OSBPL5: variants seen among roughly 807,000 people sequenced by gnomAD.
OSBPL5 encodes the protein oxysterol-binding protein-related protein 5.
A neutral mutation model predicts 111.2 loss-of-function variants in OSBPL5; 71 were observed. The ratio of observed to expected loss-of-function variants is 0.64; its 90% CI spans 0.53 to 0.78. The LOEUF is 0.78. Ranked by LOEUF, OSBPL5 falls within the 30% of genes least tolerant of loss-of-function variation. OSBPL5 has a pLI of 0.00. For synonymous variants in OSBPL5, 549 were observed against 513.9 expected (o/e 1.07, Z -0.93); for missense variants, 1,210 against 1,189.3 (o/e 1.02, Z -0.26).
chr11:3,122,317 A>G (rs1344332282), intron 4 of OSBPL5, 31 bp downstream of exon 4: 2 of 1,602,214 alleles, frequency 1.2e-6, no homozygotes, highest in Admixed American at 1.7e-5. Flanking sequence ...TGACAGTGAC[A>G]CTGCTGCACC....
chr11:3,149,439 C>A (rs932051097), intron 1 of OSBPL5, among the ~76,000 whole-genome samples: 1 of 152,240 alleles, frequency 6.6e-6, no homozygotes, highest in Non-Finnish European at 1.5e-5. Flanking sequence ...GTGGCTGACC[C>A]TCTTGCCAGC....
Position 3,094,301 on chromosome 11 carries a change from C to T in OSBPL5, c.1655G>A (p.Gly552Asp), listed in dbSNP as rs772479316. The T allele has an allele frequency of 1.2e-6, 2 of 1,613,590 alleles. No individual in the cohort carries two copies. The highest frequency in any genetic ancestry group is 1.7e-6 in the Non-Finnish European group (2 of 1,179,952). The change falls in exon 15 of 22, where the codon GGT (glycine) becomes GAT (aspartate). Residue 552 changes from glycine (G) to aspartate (D), a missense_variant. Coordinates refer to ENST00000263650, the MANE Select transcript of OSBPL5 (RefSeq NM_020896.4). The part of the protein sequence containing the change: ...ILYGTMTLEL[G>D]GKVTIECAKN... ...CGCACACTCGATGGTGACCTTCCCACCCAGCTCCAGGGTCATCGTGCCATA... is the reference window on the plus strand; with the variant it reads ...CGCACACTCGATGGTGACCTTCCCATCCAGCTCCAGGGTCATCGTGCCATA...
In OSBPL5 at chr11:3,092,595, T is replaced by C; in HGVS notation, c.2133-37A>G. The C allele has an allele frequency of 1.3e-6, 2 of 1,541,756 alleles. No individual in the cohort carries two copies. The highest frequency in any genetic ancestry group is 1.4e-5 in the African/African-American group (1 of 73,652). ...AGAGGGCGTTCATCAGCACAGGCAG[T>C]GGCCCTCAGGTGAGGGGGCTGTCCT... On this transcript the variant is annotated intron_variant, in intron 18 of 21. Coordinates refer to ENST00000263650, the MANE Select transcript of OSBPL5 (RefSeq NM_020896.4). This position sits in a 1 kb window ranked among gnomAD's most constrained non-coding sequence, Gnocchi z 5.4.
intron 1 of OSBPL5, among the ~76,000 whole-genome samples, chr11:3,139,556 A>G (rs574157087): frequency 3.3e-5 from 5 of 152,298 alleles, no homozygotes; most frequent in African/African-American, 7.2e-5. Context: ...TCACCAGCCC[A>G]GGCACCCAGC....
intron 7 of OSBPL5, among the ~76,000 whole-genome samples, chr11:3,114,629 C>T (rs868018914): frequency 6.1e-5 from 7 of 114,800 alleles, no homozygotes; most frequent in Non-Finnish European, 8.1e-5. Flanking sequence ...GACAGAGTCT[C>T]GCTCTGTTGC....
In OSBPL5 at chr11:3,142,221, C is replaced by A. The variant is rs1846145729; in HGVS notation, c.-21-13052G>T. ...GGCGTGAGCCACCGTGCCCGGCCGA[C>A]AGCTGGTTTCTGAGGCCAAGAGAAG... On this transcript the variant is annotated intron_variant, in intron 1 of 21. Transcript: ENST00000263650. The surrounding 1 kb of genome is among the most constrained non-coding windows in gnomAD (Gnocchi z 7.1). Among the ~76,000 whole-genome samples, 1 of 152,234 alleles carries A rather than the reference C, an allele frequency of 6.6e-6. No homozygotes were observed. Among genetic ancestry groups the A allele is most frequent in the Admixed American group, 6.5e-5 (1 of 15,276 alleles).
At chr11:3,118,697 G>A (rs112151775) in intron 7 of OSBPL5, among the ~76,000 whole-genome samples, 2,638 of 149,744 alleles carry the variant, frequency 0.018, 79 homozygotes, top group African/African-American at 0.058. Flanking sequence ...TCAGCCTCCT[G>A]AGTAGTTGGG....
intron 1 of OSBPL5, among the ~76,000 whole-genome samples, chr11:3,134,476 G>A (rs1388965159): frequency 6.6e-6 from 1 of 152,192 alleles, no homozygotes; most frequent in Non-Finnish European, 1.5e-5. Context: ...CCACTCCCCA[G>A]CCTGTGAAGG....
At position 3,110,381 on chromosome 11, in the gene OSBPL5, A is replaced by T. The variant is rs1477510638; in HGVS notation, c.692-2436T>A. On this transcript the variant is annotated intron_variant, in intron 7 of 21. Transcript: ENST00000263650. This position sits in a 1 kb window ranked among gnomAD's most constrained non-coding sequence, Gnocchi z 5.3. The stretch of plus-strand genomic sequence containing the variant: ...AAGAGGGAATCCCTCCAGGTGGAGG[A>T]TCATCGCAGTCACAGCTGCCTGAGC... 1.3e-5 allele frequency among the ~76,000 whole-genome samples: 2 copies of T among 152,214 alleles called. No individual in the cohort carries two copies. The highest frequency in any genetic ancestry group is 2.4e-5 in the African/African-American group (1 of 41,454).
In OSBPL5 at chr11:3,126,807, G is replaced by A. The variant is rs734458; in HGVS notation, c.137-252C>T. Among the ~76,000 whole-genome samples the A allele has an allele frequency of 0.099, 15,123 of 152,250 alleles. 800 individuals carry two copies. The highest frequency in any genetic ancestry group is 0.14 in the South Asian group (660 of 4,826). Reference sequence around the variant, plus strand: ...GACCTACAGGGAGGAAGCTGGGACAGGAGCTGGTAGGAACCGGCATCCTGG... The same window carrying A: ...GACCTACAGGGAGGAAGCTGGGACAAGAGCTGGTAGGAACCGGCATCCTGG... On this transcript the variant is annotated intron_variant, in intron 2 of 21. Transcript: ENST00000263650. This position sits in a 1 kb window ranked among gnomAD's most constrained non-coding sequence, Gnocchi z 6.5.
chr11:3,125,305 G>T (rs2134466280), intron 3 of OSBPL5, among the ~76,000 whole-genome samples: 1 of 152,322 alleles, frequency 6.6e-6, no homozygotes, highest in Middle Eastern at 3.4e-3. Flanking sequence ...TAAGGACCTA[G>T]TATCCAAAAT....
rs1408029878 is a variant in OSBPL5 at position 3,107,661 on chromosome 11, G to A, written c.866+110C>T. On this transcript the variant is annotated intron_variant, in intron 8 of 21. Transcript: ENST00000263650. This position sits in a 1 kb window ranked among gnomAD's most constrained non-coding sequence, Gnocchi z 6.1. ...CACTGCAGCGAACAAGTCCCTGCGTGCAGCCTGCAGCCCACCAGAGCAGTG... is the reference window on the plus strand; with the variant it reads ...CACTGCAGCGAACAAGTCCCTGCGTACAGCCTGCAGCCCACCAGAGCAGTG... 5.5e-6 allele frequency: 8 copies of A among 1,460,488 alleles called. No individual in the cohort carries two copies. The African/African-American group carries it at 7.0e-5, about 13-fold the overall frequency. 90.5% of individuals were successfully genotyped at this position (1,460,488 alleles called of 1,614,324 possible). A position where few individuals can be genotyped will look rare whatever the true frequency, so the allele number is the denominator to read the frequency against.
intron 1 of OSBPL5, among the ~76,000 whole-genome samples, chr11:3,135,628 G>A (rs934722792): frequency 6.6e-6 from 1 of 152,200 alleles, no homozygotes; most frequent in African/African-American, 2.4e-5. Flanking sequence ...GGACATGTGG[G>A]GCTCTCGGGG....
chr11:3,111,381 A>C (rs536012997), intron 7 of OSBPL5, among the ~76,000 whole-genome samples: 36 of 151,600 alleles, frequency 2.4e-4, no homozygotes, highest in African/African-American at 8.2e-4. Flanking sequence ...AGGATGGTGG[A>C]GATCTGAGTT....
At position 3,102,280 on chromosome 11, in the gene OSBPL5, C is replaced by T. The variant is rs1486104552; in HGVS notation, c.1328G>A (p.Gly443Glu). The T allele has an allele frequency of 6.3e-7, 1 of 1,593,358 alleles. No homozygotes were observed. The highest frequency in any genetic ancestry group is 8.5e-7 in the Non-Finnish European group (1 of 1,170,372). Residue 443 changes from glycine (G) to glutamate (E), a missense_variant and splice_region_variant, in exon 12 of 22, where the codon GGA (glycine) becomes GAA (glutamate). Gly to Glu is a moderately conservative substitution (Grantham distance 98). Coordinates refer to ENST00000263650, the MANE Select transcript of OSBPL5 (RefSeq NM_020896.4). The part of the protein sequence containing the change: ...YLSGFYKKPK[G>E]IKKPYNPILG... Reference sequence around the variant, plus strand: ...GATGGGGTTGTACGGCTTCTTGATTCCCTGCAGACAACAGAGACTTGTGTG... The same window carrying T: ...GATGGGGTTGTACGGCTTCTTGATTTCCTGCAGACAACAGAGACTTGTGTG...
intron 1 of OSBPL5, among the ~76,000 whole-genome samples, chr11:3,151,326 C>G (rs914411377): frequency 6.6e-6 from 1 of 152,164 alleles, no homozygotes; most frequent in East Asian, 1.9e-4. Context: ...TATGGCAGCC[C>G]CAGAGCACTC....
intron 7 of OSBPL5, among the ~76,000 whole-genome samples, chr11:3,116,973 A>G (rs1858234833): frequency 6.6e-6 from 1 of 152,188 alleles, no homozygotes; most frequent in African/African-American, 2.4e-5. Context: ...ACAGCTTTTA[A>G]CAATTGAGTA....
At position 3,092,465 on chromosome 11, in the gene OSBPL5, G is replaced by C. The variant is rs759933628; in HGVS notation, c.2226C>G (p.Thr742=). 6.3e-7 allele frequency: 1 copy of C among 1,577,458 alleles called. No individual in the cohort carries two copies. The highest frequency in any genetic ancestry group is 1.2e-5 in the South Asian group (1 of 86,160). Residue 742 remains threonine, a synonymous_variant, in exon 19 of 22, where the codon ACC becomes ACG. Coordinates refer to ENST00000263650, the MANE Select transcript of OSBPL5 (RefSeq NM_020896.4). The surrounding 1 kb of genome is among the most constrained non-coding windows in gnomAD (Gnocchi z 5.4). The part of the protein sequence containing the change: ...TLQQEAVARQ[T]TFLGSPGPRH... ...TGGGCCCTGGGCTGCCCAGGAAGGT[G>C]GTCTGGCGGGCCACGGCCTCCTGCT... is the stretch of plus-strand genomic sequence containing the variant.
chr11:3,107,318 G>T lies in OSBPL5; in HGVS notation c.1004C>A (p.Ala335Asp). 1 of 1,613,818 alleles carries T rather than the reference G, an allele frequency of 6.2e-7. No individual in the cohort carries two copies. The highest frequency in any genetic ancestry group is 8.5e-7 in the Non-Finnish European group (1 of 1,179,956). ...SGSDQSETPG[A>D]PVRRGTTYVE... is the part of the protein sequence containing the mutation. ...ATAGGTGGTCCCTCTCCGCACCGGG[G>T]CCCCAGGGGTCTCTGACTGGTCGCT... is the stretch of plus-strand genomic sequence containing the variant. Residue 335 changes from alanine (A) to aspartate (D), a missense_variant, in exon 9 of 22, where the codon GCC becomes GAC. Transcript: ENST00000263650. This position sits in a 1 kb window ranked among gnomAD's most constrained non-coding sequence, Gnocchi z 6.1.
Sources: allele counts gnomAD v4.1 joint callset (sites outside exome capture counted in the v4.1 genomes callset), GRCh38; gene constraint gnomAD v4.1.1; non-coding constraint Gnocchi (gnomAD v3.1); transcripts MANE v1.5; gene names NCBI Gene and HGNC (gene_info 2026-07-23, HGNC 2026-07-21).